OR51G2: variants seen among roughly 807,000 people sequenced by gnomAD.
OR51G2 encodes olfactory receptor 51G2.
A neutral mutation model predicts 11.8 loss-of-function variants in OR51G2; 13 were observed. That is an observed-to-expected ratio of 1.10 (90% CI 0.72 to 1.76). The LOEUF (loss-of-function observed/expected upper bound fraction) is 1.76, where lower values mean the gene tolerates loss of function less well. Ranked by LOEUF, OR51G2 falls within the 40% of genes most tolerant of loss-of-function variation. The probability of loss-of-function intolerance (pLI) is 0.00; values close to 1 mark genes in which losing one functional copy is unlikely to be tolerated. For synonymous variants in OR51G2, 178 were observed against 151.9 expected, an observed-to-expected ratio of 1.17 and a Z score of -1.26; for missense variants, 474 against 394.4, an observed-to-expected ratio of 1.20 and a Z score of -1.71.
chr11:4,916,886 T>C (rs1173329596), intron 1 of OR51G2, among the ~76,000 whole-genome samples: 1 of 152,208 alleles, frequency 6.6e-6, no homozygotes, highest in African/African-American at 2.4e-5. Context: ...CACAAGGTCA[T>C]GTCCAGGAGA....
At chr11:4,916,357 GC>G (rs1028923037) in intron 1 of OR51G2, among the ~76,000 whole-genome samples, 1 of 150,792 alleles carries the variant, frequency 6.6e-6, no homozygotes, top group African/African-American at 2.4e-5. Flanking sequence ...ATTCCTCTTG[GC>G]CCTATTTAAC....
In OR51G2 at chr11:4,915,194, C is replaced by G; in HGVS notation, c.470G>C (p.Ser157Thr). The G allele has an allele frequency of 6.2e-7, 1 of 1,614,010 alleles. No homozygotes were observed. The highest frequency in any genetic ancestry group is 2.2e-5 in the East Asian group (1 of 44,830). Residue 157 changes from serine to threonine, a missense_variant, in exon 2 of 2, where the codon AGT becomes ACT. By Grantham distance (58) the Ser-to-Thr change is moderately conservative (BLOSUM62 1). Transcript: ENST00000641926. ...AGGTAATGGAAAAATGAGTGCTACA[C>G]TACGACCCAGAGAGACCAGGCCAAT... Reference protein sequence around the residue: ...GRIGLVSLGRSVALIFPLPFM... With the variant: ...GRIGLVSLGRTVALIFPLPFM...
chr11:4,917,782 T>A (rs143480453), intron 1 of OR51G2, among the ~76,000 whole-genome samples: 1 of 152,092 alleles, frequency 6.6e-6, no homozygotes, highest in African/African-American at 2.4e-5. Context: ...TTTGATGTAA[T>A]AGTCTCTAAT....
Position 4,915,495 on chromosome 11 carries a change from C to T in OR51G2, c.169G>A (p.Glu57Lys), listed in dbSNP as rs771636291. The change falls in exon 2 of 2, where the codon GAG becomes AAG. Residue 57 changes from glutamate (E) to lysine (K), a missense_variant. Coordinates refer to ENST00000641926, the MANE Select transcript of OR51G2 (RefSeq NM_001005238.2). ...NCTILFIIKT[E>K]RSLHEPMYLF... ...TACATAGGTTCATGAAGTGAGCGCTCTGTTTTAATGATAAAAAGAATTGTG... is the reference window on the plus strand; with the variant it reads ...TACATAGGTTCATGAAGTGAGCGCTTTGTTTTAATGATAAAAAGAATTGTG... The T allele has an allele frequency of 6.2e-7, 1 of 1,614,128 alleles. No individual in the cohort carries two copies. Among genetic ancestry groups the T allele is most frequent in the Non-Finnish European group, 8.5e-7 (1 of 1,180,014 alleles).
chr11:4,915,340 G>A lies in OR51G2; in HGVS notation c.324C>T (p.Phe108=), dbSNP rs184375832. ...ACTCGAGGAAGGAGAAGCAGTGAATGAAAAAGAGCTGAGCAAAGCAGGCAT... is the reference window on the plus strand; with the variant it reads ...ACTCGAGGAAGGAGAAGCAGTGAATAAAAAAGAGCTGAGCAAAGCAGGCAT... ...SHDACFAQLF[F]IHCFSFLESS... Residue 108 remains phenylalanine, a synonymous_variant, in exon 2 of 2, where the codon TTC becomes TTT. Transcript: ENST00000641926. 346 of 1,613,972 alleles carry A rather than the reference G, an allele frequency of 2.1e-4. No homozygotes were observed. The highest frequency in any genetic ancestry group is 1.4e-5 in the Non-Finnish European group (16 of 1,179,976).
intron 1 of OR51G2, 51 bp downstream of exon 1, chr11:4,919,126 G>C (rs1054317251): frequency 2.0e-5 from 3 of 152,196 alleles, no homozygotes; most frequent in Non-Finnish European, 4.4e-5. Context: ...CTGGTGCTAA[G>C]ATCAGACCTG....
chr11:4,913,130 C>G lies in OR51G2; in HGVS notation c.*1589G>C, dbSNP rs539469438. 1 of 152,186 alleles carries G rather than the reference C, an allele frequency of 6.6e-6. No individual in the cohort carries two copies. Among genetic ancestry groups the G allele is most frequent in the Non-Finnish European group, 1.5e-5 (1 of 68,036 alleles). The allele number at this position is 152,186 out of a possible 1,614,324, so 9.4% of individuals were successfully genotyped here. On this transcript the variant is annotated 3_prime_UTR_variant, in exon 2 of 2. Transcript: ENST00000641926. ...GGTCTGTGTTACTCAAATGGTCATT[C>G]TCAACTTTGTGGCTAAATAAGCTCT...
In OR51G2 at chr11:4,915,227, A is replaced by G; in HGVS notation, c.437T>C (p.Ile146Thr). Residue 146 changes from isoleucine to threonine, a missense_variant, in exon 2 of 2, where the codon ATT becomes ACT. Physicochemically the swap from Ile to Thr is moderately conservative, Grantham distance 89. Transcript: ENST00000641926. ...HYVSILTNTVIGRIGLVSLGR... is the reference protein window; with the variant it reads ...HYVSILTNTVTGRIGLVSLGR... Reference sequence around the variant, plus strand: ...CAGAGAGACCAGGCCAATCCTGCCAATGACTGTGTTGGTGAGAATGGAAAC... The same window carrying G: ...CAGAGAGACCAGGCCAATCCTGCCAGTGACTGTGTTGGTGAGAATGGAAAC... 3.1e-6 allele frequency: 5 copies of G among 1,614,034 alleles called. No individual in the cohort carries two copies. Among genetic ancestry groups the G allele is most frequent in the Non-Finnish European group, 4.2e-6 (5 of 1,180,006 alleles).
At chr11:4,917,729 AC>A (rs1015985025) in intron 1 of OR51G2, among the ~76,000 whole-genome samples, 1 of 152,144 alleles carries the variant, frequency 6.6e-6, no homozygotes, top group African/African-American at 2.4e-5. Context: ...TATTGGGTTA[AC>A]AATATACTTT....
rs148856214 is a variant in OR51G2 at position 4,917,250 on chromosome 11, T to C, written c.-76-1511A>G. Among the ~76,000 whole-genome samples the C allele has an allele frequency of 3.9e-3, 593 of 152,308 alleles. 7 individuals carry two copies. Among genetic ancestry groups the C allele is most frequent in the African/African-American group, 0.013 (540 of 41,566 alleles). On this transcript the variant is annotated intron_variant, in intron 1 of 1. Coordinates refer to ENST00000641926, the MANE Select transcript of OR51G2 (RefSeq NM_001005238.2). ...AAGCCTATGAATATTCTATTGATAA[T>C]ATTATGCTGTAGATAAGAAAACAGA...
At chr11:4,917,943 C>T (rs1184269086) in intron 1 of OR51G2, among the ~76,000 whole-genome samples, 2 of 148,402 alleles carry the variant, frequency 1.3e-5, no homozygotes, top group South Asian at 2.2e-4. Flanking sequence ...ATTTTAATGT[C>T]AAAATAAACC....
At chr11:4,918,103 G>A (rs1358826203) in intron 1 of OR51G2, among the ~76,000 whole-genome samples, 1 of 151,988 alleles carries the variant, frequency 6.6e-6, no homozygotes, top group Non-Finnish European at 1.5e-5. Flanking sequence ...AAATTTGCAA[G>A]TTAGTATTAT....
Position 4,914,549 on chromosome 11 carries a change from C to G in OR51G2, c.*170G>C, listed in dbSNP as rs1198500702. 1.7e-6 allele frequency: 1 copy of G among 572,164 alleles called. No homozygotes were observed. The allele number at this position is 572,164 out of a possible 1,614,324, so 35.4% of individuals were successfully genotyped here. A position where few individuals can be genotyped will look rare whatever the true frequency, so the allele number is the denominator to read the frequency against. On this transcript the variant is annotated 3_prime_UTR_variant, in exon 2 of 2. Transcript: ENST00000641926. ...ACCACATCATATTACATTTTACCCC[C>G]CCCTGCCCTGGCCACAACAGAGTGA...
rs1851010591 is a variant in OR51G2, at chr11:4,912,775, T to G, written c.*1944A>C. 1 of 152,164 alleles carries G rather than the reference T, an allele frequency of 6.6e-6. No homozygotes were observed. The highest frequency in any genetic ancestry group is 1.5e-5 in the Non-Finnish European group (1 of 68,028). 9.4% of individuals were successfully genotyped at this position (152,164 alleles called of 1,614,324 possible). The stretch of plus-strand genomic sequence containing the variant: ...TATTGTAATTTTCCTTTTCTTTAAT[T>G]ACATTGTTTTTTAAAATGTAAAAAA... On this transcript the variant is annotated 3_prime_UTR_variant, in exon 2 of 2. Transcript: ENST00000641926.
intron 1 of OR51G2, among the ~76,000 whole-genome samples, chr11:4,917,123 G>A (rs1453871075): frequency 1.3e-5 from 2 of 149,638 alleles, no homozygotes; most frequent in Non-Finnish European, 3.0e-5. Context: ...TTTAGAACAT[G>A]CCCCAGTACG....
rs753971886 is a variant in OR51G2 at position 4,914,709 on chromosome 11, CTA to C, written c.*8_*9del. ...GTTTCAGGAGACAGTGGCTCTAACA[CTA>C]GACACAGTTAGTAACAAAAGGCATG... is the stretch of plus-strand genomic sequence containing the variant. On this transcript the variant is annotated 3_prime_UTR_variant, in exon 2 of 2. Transcript: ENST00000641926. The C allele has an allele frequency of 5.0e-6, 8 of 1,592,686 alleles. No individual in the cohort carries two copies. The Admixed American group carries it at 1.2e-4, about 23-fold the overall frequency.
In OR51G2 at chr11:4,914,982, G is replaced by T. The variant is rs201371040; in HGVS notation, c.682C>A (p.Arg228Ser). ...CTGGAGGCGATGGACAGCACGGTGCGCAGGATCAGAGCATAAGAGAAGAGG... is the reference window on the plus strand; with the variant it reads ...CTGGAGGCGATGGACAGCACGGTGCTCAGGATCAGAGCATAAGAGAAGAGG... ...LILFSYALIL[R>S]TVLSIASRAE... is the part of the protein sequence containing the mutation. Residue 228 changes from arginine (R) to serine (S), a missense_variant, in exon 2 of 2, where the codon CGC becomes AGC. By Grantham distance (110) the Arg-to-Ser change is moderately radical (BLOSUM62 -1). Coordinates refer to ENST00000641926, the MANE Select transcript of OR51G2 (RefSeq NM_001005238.2). 6.8e-6 allele frequency: 11 copies of T among 1,613,946 alleles called. No homozygotes were observed. Among genetic ancestry groups the T allele is most frequent in the African/African-American group, 1.3e-5 (1 of 74,894 alleles).
rs1283040337 is a variant in OR51G2 at position 4,914,936 on chromosome 11, A to T, written c.728T>A (p.Leu243His). The change falls in exon 2 of 2, where the codon CTT (leucine) becomes CAT (histidine). Residue 243 changes from leucine to histidine, a missense_variant. By Grantham distance (99) the Leu-to-His change is moderately conservative. Transcript: ENST00000641926. The stretch of plus-strand genomic sequence containing the variant: ...ACAGATGTGGGAAACACAGGTGTTA[A>T]GGGCCTTGAATCTCTCAGCCCTGGA... ...IASRAERFKA[L>H]NTCVSHICAV... 6.2e-7 allele frequency: 1 copy of T among 1,614,130 alleles called. No individual in the cohort carries two copies. Among genetic ancestry groups the T allele is most frequent in the Non-Finnish European group, 8.5e-7 (1 of 1,180,006 alleles).
rs1337937228 is a variant in OR51G2, at chr11:4,915,498, T to C, written c.166A>G (p.Thr56Ala). 6 of 1,614,102 alleles carry C rather than the reference T, an allele frequency of 3.7e-6. No homozygotes were observed. The highest frequency in any genetic ancestry group is 3.3e-4 in the Middle Eastern group (2 of 6,062). Reference protein sequence around the residue: ...GNCTILFIIKTERSLHEPMYL... With the variant: ...GNCTILFIIKAERSLHEPMYL... ...ATAGGTTCATGAAGTGAGCGCTCTG[T>C]TTTAATGATAAAAAGAATTGTGCAG... Residue 56 changes from threonine to alanine, a missense_variant, in exon 2 of 2, where the codon ACA becomes GCA. Thr to Ala is a moderately conservative substitution (Grantham distance 58). Transcript: ENST00000641926.
Sources: gnomAD v4.1 joint callset for allele counts (sites outside exome capture counted in the v4.1 genomes callset) on GRCh38, gnomAD v4.1.1 for gene constraint, MANE v1.5 for transcripts, NCBI Gene and HGNC (gene_info 2026-07-23, HGNC 2026-07-21) for gene names.